The following SLC38A3 variants were observed in gnomAD, a reference collection of about 807,000 sequenced individuals.
The protein encoded by SLC38A3 is solute carrier family 38 member 3.
SLC38A3 carries 17 observed loss-of-function variants against 59.5 expected under a neutral mutation model. The observed-to-expected ratio is 0.29, with a 90% CI of 0.20 to 0.43. The LOEUF is 0.43. SLC38A3 is among the 20% of genes least tolerant of loss of function. SLC38A3 has a pLI of 1.00. For missense variants in SLC38A3, 454 were observed against 653.9 expected (o/e 0.69, Z 3.33); for synonymous variants, 238 against 260.3 (o/e 0.91, Z 0.82).
At chr3:50,208,261 CTTTT>C (rs11293008) in intron 1 of SLC38A3, among the ~76,000 whole-genome samples, 8 of 129,972 alleles carry the variant, frequency 6.2e-5, no homozygotes, top group East Asian at 2.3e-4. Context: ...AGCTTTCTCT[CTTTT>C]TTTTTTTTTT....
Position 50,218,423 on chromosome 3 carries a change from G to T in SLC38A3, c.1036+53G>T. 1 of 1,535,072 alleles carries T rather than the reference G, an allele frequency of 6.5e-7. No homozygotes were observed. The highest frequency in any genetic ancestry group is 1.1e-5 in the South Asian group (1 of 89,514). On this transcript the variant is annotated intron_variant, in intron 12 of 15. Coordinates refer to ENST00000614032, the MANE Select transcript of SLC38A3 (RefSeq NM_006841.6). The surrounding 1 kb of genome is among the most constrained non-coding windows in gnomAD (Gnocchi z 5.8). ...TAGGCTAGGCTGGGGGGAAGGGGCTGGTTGTGGCCATGGTGCCCTCCATAC... is the reference window on the plus strand; with the variant it reads ...TAGGCTAGGCTGGGGGGAAGGGGCTTGTTGTGGCCATGGTGCCCTCCATAC...
Position 50,221,388 on chromosome 3 carries a change from ACT to A in SLC38A3, c.*1216_*1217del, listed in dbSNP as rs1699893856. 1 of 152,110 alleles carries A rather than the reference ACT, an allele frequency of 6.6e-6. No homozygotes were observed. The highest frequency in any genetic ancestry group is 2.4e-5 in the African/African-American group (1 of 41,382). 9.4% of individuals were successfully genotyped at this position (152,110 alleles called of 1,614,324 possible). A position where few individuals can be genotyped will look rare whatever the true frequency, so the allele number is the denominator to read the frequency against. ...CCCTAGCTCCCAGGCTGCCATGTCA[ACT>A]CTCTGTCAATGCCCTGAGTCTGGGG... is the stretch of plus-strand genomic sequence containing the variant. On this transcript the variant is annotated 3_prime_UTR_variant, in exon 16 of 16. Coordinates refer to ENST00000614032, the MANE Select transcript of SLC38A3 (RefSeq NM_006841.6).
intron 1 of SLC38A3, among the ~76,000 whole-genome samples, chr3:50,213,833 T>C (rs1699769584): frequency 6.6e-6 from 1 of 152,212 alleles, no homozygotes; most frequent in South Asian, 2.1e-4. Context: ...CACTGGGCTC[T>C]GAACTCGGGT....
chr3:50,207,258 G>A (rs1559751647), intron 1 of SLC38A3: 1 of 152,290 alleles, frequency 6.6e-6, no homozygotes, highest in Non-Finnish European at 1.5e-5. Context: ...GGCCTCACTT[G>A]GAGCAGGTAA....
intron 1 of SLC38A3, among the ~76,000 whole-genome samples, chr3:50,210,882 C>A (rs971664402): frequency 6.6e-6 from 1 of 152,192 alleles, no homozygotes; most frequent in Non-Finnish European, 1.5e-5. Context: ...CCAAGGCCAC[C>A]GTGATCTCCC....
Position 50,217,766 on chromosome 3 carries a change from GAGA to G in SLC38A3, c.784_786del (p.Lys262del), listed in dbSNP as rs756387293. On this transcript the variant is annotated inframe_deletion, in exon 10 of 16. Coordinates refer to ENST00000614032, the MANE Select transcript of SLC38A3 (RefSeq NM_006841.6). The surrounding 1 kb of genome is among the most constrained non-coding windows in gnomAD (Gnocchi z 4.9). ...CTTCAGCCACGTGGAGATCGTGAAG[GAGA>G]AGGTGCAGCTGCAGGTCGAGCCTGA... The G allele has an allele frequency of 3.1e-6, 5 of 1,613,828 alleles. No homozygotes were observed. In the African/African-American group the frequency reaches 6.7e-5, roughly 22 times the overall value.
intron 1 of SLC38A3, among the ~76,000 whole-genome samples, chr3:50,208,583 CTTG>C (rs1388937154): frequency 1.3e-5 from 2 of 152,170 alleles, no homozygotes; most frequent in East Asian, 1.9e-4. Flanking sequence ...CTCTTGCTGT[CTTG>C]TTGTCTGTCT....
Position 50,217,574 on chromosome 3 carries a change from A to G in SLC38A3, c.690+101A>G. On this transcript the variant is annotated intron_variant, in intron 9 of 15. Coordinates refer to ENST00000614032, the MANE Select transcript of SLC38A3 (RefSeq NM_006841.6). The surrounding 1 kb of genome is among the most constrained non-coding windows in gnomAD (Gnocchi z 4.9). Reference sequence around the variant, plus strand: ...CAGGTGTCTCTGGGAAGCCTGGGCCAGAAGGCAGCTCCACCAGTCCTGATC... The same window carrying G: ...CAGGTGTCTCTGGGAAGCCTGGGCCGGAAGGCAGCTCCACCAGTCCTGATC... 6.3e-7 allele frequency: 1 copy of G among 1,581,774 alleles called. No homozygotes were observed. Among genetic ancestry groups the G allele is most frequent in the Non-Finnish European group, 8.7e-7 (1 of 1,155,898 alleles).
At chr3:50,209,003 T>G (rs1229672175) in intron 1 of SLC38A3, among the ~76,000 whole-genome samples, 1 of 152,186 alleles carries the variant, frequency 6.6e-6, no homozygotes, top group Non-Finnish European at 1.5e-5. Flanking sequence ...TGCTTCAGCT[T>G]GCTTTGGGGC....
rs755599587 is a variant in SLC38A3 at position 50,218,044 on chromosome 3, T to G, written c.935+48T>G. On this transcript the variant is annotated intron_variant, in intron 11 of 15. Coordinates refer to ENST00000614032, the MANE Select transcript of SLC38A3 (RefSeq NM_006841.6). The surrounding 1 kb of genome is among the most constrained non-coding windows in gnomAD (Gnocchi z 5.8). ...GGGGGTGGGGATGCCCTGAGCTGGTTTGGGGAGAATGGATGTGGTCCTGAA... is the reference window on the plus strand; with the variant it reads ...GGGGGTGGGGATGCCCTGAGCTGGTGTGGGGAGAATGGATGTGGTCCTGAA... 1.9e-6 allele frequency: 3 copies of G among 1,562,944 alleles called. No individual in the cohort carries two copies. The highest frequency in any genetic ancestry group is 1.8e-6 in the Non-Finnish European group (2 of 1,136,148).
In SLC38A3 at chr3:50,220,340, AG is replaced by A. The variant is rs1699880432; in HGVS notation, c.*164del. The A allele has an allele frequency of 1.6e-6, 1 of 635,324 alleles. No individual in the cohort carries two copies. The highest frequency in any genetic ancestry group is 1.9e-5 in the South Asian group (1 of 53,210). The allele number at this position is 635,324 out of a possible 1,614,324, so 39.4% of individuals were successfully genotyped here. A position where few individuals can be genotyped will look rare whatever the true frequency, so the allele number is the denominator to read the frequency against. ...TCTCTGTGGAAGGTTTTTGTTCAAG[AG>A]CCAGGACCAAGGCCCTTGGGCCACT... is the stretch of plus-strand genomic sequence containing the variant. On this transcript the variant is annotated 3_prime_UTR_variant, in exon 16 of 16. Transcript: ENST00000614032.
In SLC38A3 at chr3:50,217,735, A is replaced by C. The variant is rs762389304; in HGVS notation, c.750A>C (p.Thr250=). The change falls in exon 10 of 16, where the codon ACA becomes ACC. Residue 250 remains threonine (T), a synonymous_variant. Coordinates refer to ENST00000614032, the MANE Select transcript of SLC38A3 (RefSeq NM_006841.6). This position sits in a 1 kb window ranked among gnomAD's most constrained non-coding sequence, Gnocchi z 4.9. The part of the protein sequence containing the change: ...CPLPPNFNNT[T]GNFSHVEIVK... ...TGCCCCCCAACTTCAACAACACCAC[A>C]GGCAACTTCAGCCACGTGGAGATCG... 6.2e-7 allele frequency: 1 copy of C among 1,613,510 alleles called. No individual in the cohort carries two copies. The highest frequency in any genetic ancestry group is 2.2e-5 in the East Asian group (1 of 44,888).
In SLC38A3 at chr3:50,214,350, A is replaced by G. The variant is rs1340352475; in HGVS notation, c.101+50A>G. ...TGGCTGAAGACAGGGCAGGGCAGGG[A>G]TACAGAGCAAAGGGCTGGAGCTGAG... On this transcript the variant is annotated intron_variant, in intron 2 of 15. Transcript: ENST00000614032. The surrounding 1 kb of genome is among the most constrained non-coding windows in gnomAD (Gnocchi z 6.0). 1 of 1,608,104 alleles carries G rather than the reference A, an allele frequency of 6.2e-7. No homozygotes were observed. Among genetic ancestry groups the G allele is most frequent in the Non-Finnish European group, 8.5e-7 (1 of 1,176,490 alleles).
rs754357439 is a variant in SLC38A3, at chr3:50,220,153, C to G, written c.1491C>G (p.Thr497=). 1 of 1,597,816 alleles carries G rather than the reference C, an allele frequency of 6.3e-7. No individual in the cohort carries two copies. Among genetic ancestry groups the G allele is most frequent in the South Asian group, 1.1e-5 (1 of 88,522 alleles). ...TCATCATTGACTGGGCCTCAGGGAC[C>G]AGCCGGCATGGAGGAAACCACTAGG... ...SFIIIDWASG[T]SRHGGNH The change falls in exon 16 of 16, where the codon ACC becomes ACG. Residue 497 remains threonine (T), a synonymous_variant. Transcript: ENST00000614032.
intron 7 of SLC38A3, among the ~76,000 whole-genome samples, chr3:50,216,776 T>C (rs1314358158): frequency 1.3e-5 from 2 of 152,102 alleles, no homozygotes; most frequent in African/African-American, 4.8e-5. Context: ...TTTTGTTTTG[T>C]TTTGTTTTGT....
At chr3:50,209,403 C>G (rs1457381213) in intron 1 of SLC38A3, among the ~76,000 whole-genome samples, 1 of 152,214 alleles carries the variant, frequency 6.6e-6, no homozygotes, top group Admixed American at 6.5e-5. Flanking sequence ...AATCCCAGCA[C>G]TTTGGGAGGC....
intron 1 of SLC38A3, among the ~76,000 whole-genome samples, chr3:50,212,795 C>T (rs1231721288): frequency 6.6e-6 from 1 of 152,178 alleles, no homozygotes; most frequent in Non-Finnish European, 1.5e-5. Context: ...TTGAGTTCCC[C>T]AGTGCTCCAG....
At position 50,215,035 on chromosome 3, in the gene SLC38A3, A is replaced by G; in HGVS notation, c.299+267A>G. ...ACCTTACACGTGATGGCCAAGCCCC[A>G]CGGCCAGGCCTTGTGTGGGCACACG... On this transcript the variant is annotated intron_variant, in intron 4 of 15. Coordinates refer to ENST00000614032, the MANE Select transcript of SLC38A3 (RefSeq NM_006841.6). The surrounding 1 kb of genome is among the most constrained non-coding windows in gnomAD (Gnocchi z 7.1). 1 of 573,568 alleles carries G rather than the reference A, an allele frequency of 1.7e-6. No homozygotes were observed. The highest frequency in any genetic ancestry group is 2.1e-5 in the South Asian group (1 of 48,082). 35.5% of individuals were successfully genotyped at this position (573,568 alleles called of 1,614,324 possible).
At chr3:50,210,842 T>C (rs1699715923) in intron 1 of SLC38A3, among the ~76,000 whole-genome samples, 1 of 151,982 alleles carries the variant, frequency 6.6e-6, no homozygotes, top group African/African-American at 2.4e-5. Context: ...TCACACTACA[T>C]CCATGACAGA....
Sources: gnomAD v4.1 joint callset for allele counts (sites outside exome capture counted in the v4.1 genomes callset) on GRCh38, gnomAD v4.1.1 for gene constraint, Gnocchi (gnomAD v3.1) non-coding constraint, MANE v1.5 for transcripts, NCBI Gene and HGNC (gene_info 2026-07-23, HGNC 2026-07-21) for gene names.